The following SBF2 variants were observed in gnomAD, a reference collection of about 807,000 sequenced individuals.
SBF2 encodes the protein SET binding factor 2, also known as myotubularin-related protein 13.
Under a neutral mutation model 225.2 loss-of-function variants are expected in SBF2, and 112 were observed. That is an observed-to-expected ratio of 0.50 (90% CI 0.43 to 0.58). The LOEUF is 0.58. SBF2 is among the 20% of genes least tolerant of loss of function. SBF2 has a pLI of 0.00. For synonymous variants in SBF2, 763 were observed against 773.3 expected, an observed-to-expected ratio of 0.99 and a Z score of 0.22; for missense variants, 1,996 against 2,206.2, an observed-to-expected ratio of 0.90 and a Z score of 1.91.
intron 32 of SBF2, among the ~76,000 whole-genome samples, chr11:9,807,270 G>T (rs1853905990): frequency 6.6e-6 from 1 of 152,152 alleles, no homozygotes; most frequent in Admixed American, 6.5e-5. Flanking sequence ...CCCATCCAGA[G>T]GTCTGTATCT....
intron 1 of SBF2, among the ~76,000 whole-genome samples, chr11:10,261,154 G>A (rs1249285257): frequency 6.6e-6 from 1 of 152,080 alleles, no homozygotes; most frequent in African/African-American, 2.4e-5. Flanking sequence ...AAAGACTGAC[G>A]ATGCCAAATA....
chr11:9,949,741 T>C (rs958722591), intron 16 of SBF2, among the ~76,000 whole-genome samples: 4 of 152,136 alleles, frequency 2.6e-5, no homozygotes, highest in Non-Finnish European at 4.4e-5. Context: ...ATTGTATCTA[T>C]CTGATTTTGG....
At chr11:10,153,708 A>T (rs569465020) in intron 2 of SBF2, among the ~76,000 whole-genome samples, 2 of 152,246 alleles carry the variant, frequency 1.3e-5, no homozygotes, top group South Asian at 4.1e-4. Context: ...TAACAAAAGT[A>T]ACAGAAAAAA....
chr11:9,900,908 T>A (rs998629598), intron 16 of SBF2, among the ~76,000 whole-genome samples: 1 of 152,052 alleles, frequency 6.6e-6, no homozygotes, highest in Non-Finnish European at 1.5e-5. Flanking sequence ...AGCTAATTTT[T>A]AATTTTTTTT....
At chr11:10,120,022 T>C (rs567517148) in intron 2 of SBF2, among the ~76,000 whole-genome samples, 5 of 152,354 alleles carry the variant, frequency 3.3e-5, no homozygotes, top group African/African-American at 9.6e-5. Flanking sequence ...TACACTGTTG[T>C]GCAACAGATC....
At chr11:9,847,518 CA>C (rs3072276) in intron 22 of SBF2, among the ~76,000 whole-genome samples, 101 of 137,354 alleles carry the variant, frequency 7.4e-4, no homozygotes, top group East Asian at 1.9e-3. Context: ...GGAGGTTTTA[CA>C]AAAAAAAAAA....
At chr11:10,046,392 C>A (rs185977300) in intron 2 of SBF2, among the ~76,000 whole-genome samples, 1 of 152,022 alleles carries the variant, frequency 6.6e-6, no homozygotes, top group Non-Finnish European at 1.5e-5. Flanking sequence ...AAGTTGAATT[C>A]AACAATGAAT....
At chr11:9,942,497 G>C (rs973622504) in intron 16 of SBF2, among the ~76,000 whole-genome samples, 2 of 152,194 alleles carry the variant, frequency 1.3e-5, no homozygotes, top group African/African-American at 4.8e-5. Context: ...GGCTCTCATG[G>C]AAGTGAATAA....
intron 8 of SBF2, among the ~76,000 whole-genome samples, chr11:9,998,783 G>T (rs1947819602): frequency 1.3e-5 from 2 of 152,168 alleles, no homozygotes; most frequent in Non-Finnish European, 2.9e-5. Context: ...AAGGAAACTT[G>T]GATCTTGAGT....
chr11:9,802,365 G>A (rs544613160), intron 32 of SBF2, among the ~76,000 whole-genome samples: 2 of 152,178 alleles, frequency 1.3e-5, no homozygotes, highest in African/African-American at 2.4e-5. Context: ...ATATACTGGC[G>A]TAAACAATGG....
intron 2 of SBF2, among the ~76,000 whole-genome samples, chr11:10,128,101 A>G (rs1953846654): frequency 6.6e-6 from 1 of 152,204 alleles, no homozygotes; most frequent in African/African-American, 2.4e-5. Context: ...ATGTTGAGCA[A>G]ATTTCTGAGA....
intron 19 of SBF2, among the ~76,000 whole-genome samples, chr11:9,856,220 T>C (rs1590233758): frequency 1.3e-5 from 2 of 152,260 alleles, no homozygotes; most frequent in South Asian, 4.1e-4. Context: ...CAGTAATGGG[T>C]GAGACATTTG....
chr11:10,198,298 TCTC>T (rs1170295714), intron 1 of SBF2, among the ~76,000 whole-genome samples: 4 of 152,176 alleles, frequency 2.6e-5, no homozygotes, highest in African/African-American at 7.2e-5. Context: ...ACAACATTAA[TCTC>T]CTTATACATG....
intron 13 of SBF2, among the ~76,000 whole-genome samples, chr11:9,969,577 A>C (rs1735420042): frequency 6.6e-6 from 1 of 152,124 alleles, no homozygotes; most frequent in African/African-American, 2.4e-5. Context: ...CTTTGCACTT[A>C]ACTGTTCTCT....
intron 16 of SBF2, among the ~76,000 whole-genome samples, chr11:9,941,333 TA>T (rs200705059): frequency 0.12 from 17,808 of 144,012 alleles, 1,124 homozygotes; most frequent in East Asian, 0.31. Context: ...TCAGTAAAAA[TA>T]AAAAAAAAAA....
chr11:10,294,214 C>T lies in SBF2; in HGVS notation c.-145G>A. 1 of 561,330 alleles carries T rather than the reference C, an allele frequency of 1.8e-6. No individual in the cohort carries two copies. The highest frequency in any genetic ancestry group is 2.6e-6 in the Non-Finnish European group (1 of 378,556). The allele number at this position is 561,330 out of a possible 1,614,324, so 34.8% of individuals were successfully genotyped here. A position where few individuals can be genotyped will look rare whatever the true frequency, so the allele number is the denominator to read the frequency against. On this transcript the variant is annotated 5_prime_UTR_variant, in exon 1 of 40. Transcript: ENST00000256190. ...TCAGCCATGTTTGACAACCGAGGCG[C>T]GCTCTGCGCTTGCGCGGCGCCTAGT...
intron 2 of SBF2, among the ~76,000 whole-genome samples, chr11:10,181,661 TG>T (rs1468384950): frequency 8.5e-5 from 13 of 152,132 alleles, no homozygotes; most frequent in Non-Finnish European, 1.5e-5. Context: ...TCCTCCTTCC[TG>T]GACACATCTC....
chr11:10,269,715 G>A (rs1246359938), intron 1 of SBF2, among the ~76,000 whole-genome samples: 2 of 152,180 alleles, frequency 1.3e-5, no homozygotes, highest in Non-Finnish European at 2.9e-5. Flanking sequence ...AGAACTACTA[G>A]GAGGCAAAAC....
At chr11:10,147,126 TA>T (rs1190053580) in intron 2 of SBF2, among the ~76,000 whole-genome samples, 1 of 151,570 alleles carries the variant, frequency 6.6e-6, no homozygotes, top group Admixed American at 6.6e-5. Context: ...GGGAGGAGTG[TA>T]AATTAGTTCA....
Sources: gnomAD v4.1 joint callset for allele counts (sites outside exome capture counted in the v4.1 genomes callset) on GRCh38, gnomAD v4.1.1 for gene constraint, MANE v1.5 for transcripts, NCBI Gene and HGNC (gene_info 2026-07-23, HGNC 2026-07-21) for gene names.